Variants in ACBD6 observed in about 807,000 individuals in gnomAD.
ACBD6 encodes the protein acyl-CoA-binding domain-containing protein 6.
In ACBD6, 28 loss-of-function variants were observed where a neutral mutation model predicts 37.2. That is an observed-to-expected ratio of 0.75 (90% confidence interval 0.56 to 1.03). The LOEUF is 1.03. ACBD6 is among the 50% of genes least tolerant of loss of function. The probability of loss-of-function intolerance (pLI) is 0.00; values close to 1 mark genes in which losing one functional copy is unlikely to be tolerated. For missense variants in ACBD6, 340 were observed against 337.4 expected (o/e 1.01, Z -0.06); for synonymous variants, 113 against 126.8 (o/e 0.89, Z 0.73).
intron 4 of ACBD6, among the ~76,000 whole-genome samples, chr1:180,419,020 G>A (rs1648233163): frequency 6.6e-6 from 1 of 152,248 alleles, no homozygotes; most frequent in South Asian, 2.1e-4. Context: ...GGGAGGCCGA[G>A]GCGGGTGGAT....
chr1:180,385,179 A>G (rs373192027), intron 6 of ACBD6, among the ~76,000 whole-genome samples: 2 of 151,858 alleles, frequency 1.3e-5, no homozygotes, highest in East Asian at 1.9e-4. Flanking sequence ...GGTTATGGAT[A>G]CCCCAAATAC....
At chr1:180,393,523 A>T (rs554856063) in intron 6 of ACBD6, among the ~76,000 whole-genome samples, 1 of 152,350 alleles carries the variant, frequency 6.6e-6, no homozygotes, top group Admixed American at 6.5e-5. Context: ...CTTTTTGGCA[A>T]CCAATAGGCC....
intron 7 of ACBD6, among the ~76,000 whole-genome samples, chr1:180,311,111 T>A (rs1319629515): frequency 1.3e-5 from 2 of 152,150 alleles, no homozygotes; most frequent in African/African-American, 4.8e-5. Context: ...ATAATAAACA[T>A]AATACCTCCT....
At chr1:180,385,620 C>A (rs941969308) in intron 6 of ACBD6, among the ~76,000 whole-genome samples, 1 of 151,618 alleles carries the variant, frequency 6.6e-6, no homozygotes, top group South Asian at 2.1e-4. Flanking sequence ...GGTTCCCTTA[C>A]AAGAAGAGAG....
intron 7 of ACBD6, among the ~76,000 whole-genome samples, chr1:180,300,126 G>A (rs1300018745): frequency 6.6e-6 from 1 of 152,158 alleles, no homozygotes; most frequent in Non-Finnish European, 1.5e-5. Context: ...CACAAGGACA[G>A]CTGTCAAGCC....
At chr1:180,437,572 T>G (rs1322443610) in intron 3 of ACBD6, among the ~76,000 whole-genome samples, 1 of 152,082 alleles carries the variant, frequency 6.6e-6, no homozygotes, top group Non-Finnish European at 1.5e-5. Flanking sequence ...AGAGGTAAAG[T>G]TATCTGTTCA....
chr1:180,361,497 A>C lies in ACBD6; in HGVS notation c.663+36019T>G, dbSNP rs969579159. ...ACACTTTTTTAAAAGAAAATGTTTT[A>C]AAATGTATTAAAAGTAATGATTAGT... On this transcript the variant is annotated intron_variant, in intron 6 of 7. Coordinates refer to ENST00000367595, the MANE Select transcript of ACBD6 (RefSeq NM_032360.4). Among the ~76,000 whole-genome samples the C allele has an allele frequency of 9.8e-5, 15 of 152,316 alleles. No homozygotes were observed. In the East Asian group the frequency reaches 2.3e-3, roughly 23 times the overall value.
At chr1:180,298,186 T>C (rs541139494) in intron 7 of ACBD6, among the ~76,000 whole-genome samples, 21 of 152,320 alleles carry the variant, frequency 1.4e-4, no homozygotes, top group African/African-American at 4.8e-4. Context: ...TTATATCAAG[T>C]AGCTGTGAAA....
At chr1:180,365,896 CTGAGTA>C (rs1410121507) in intron 6 of ACBD6, among the ~76,000 whole-genome samples, 8 of 152,206 alleles carry the variant, frequency 5.3e-5, no homozygotes, top group Non-Finnish European at 7.4e-5. Context: ...ATTAATCACT[CTGAGTA>C]TATCAGTTTG....
At chr1:180,474,850 A>T (rs535433517) in intron 3 of ACBD6, among the ~76,000 whole-genome samples, 4 of 152,242 alleles carry the variant, frequency 2.6e-5, no homozygotes, top group Non-Finnish European at 5.9e-5. Flanking sequence ...GACTTTCAGG[A>T]TCTACATTTA....
At chr1:180,287,070 G>A (rs1288472056), downstream of ACBD6, 1 of 152,076 alleles carries the variant, frequency 6.6e-6, no homozygotes, top group Non-Finnish European at 1.5e-5. Flanking sequence ...CCCAGATGGA[G>A]CTTTTGGGGC....
chr1:180,465,937 T>C (rs976615760), intron 3 of ACBD6, among the ~76,000 whole-genome samples: 1 of 152,046 alleles, frequency 6.6e-6, no homozygotes, highest in East Asian at 1.9e-4. Flanking sequence ...TGTTCTCACT[T>C]ATAAGTGGGA....
intron 6 of ACBD6, among the ~76,000 whole-genome samples, chr1:180,318,746 A>T (rs1410936003): frequency 6.6e-6 from 1 of 152,198 alleles, no homozygotes; most frequent in Non-Finnish European, 1.5e-5. Context: ...AGAATTTTTC[A>T]GTCTACTCTG....
At chr1:180,475,889 T>C (rs1026315942) in intron 3 of ACBD6, among the ~76,000 whole-genome samples, 2 of 152,174 alleles carry the variant, frequency 1.3e-5, no homozygotes, top group African/African-American at 4.8e-5. Context: ...AAAGAGTTGG[T>C]GGGGCACTTT....
intron 6 of ACBD6, among the ~76,000 whole-genome samples, chr1:180,316,034 T>G (rs1364075177): frequency 6.6e-6 from 1 of 151,974 alleles, no homozygotes; most frequent in Non-Finnish European, 1.5e-5. Flanking sequence ...TTTTGCCTAC[T>G]TTTTTTTCTT....
intron 3 of ACBD6, among the ~76,000 whole-genome samples, chr1:180,431,764 T>C (rs1365234429): frequency 1.6e-4 from 24 of 151,616 alleles, no homozygotes; most frequent in Non-Finnish European, 3.4e-4. Flanking sequence ...GAAAACTGGA[T>C]ACGAAAGGAA....
At chr1:180,455,888 A>C (rs1209301999) in intron 3 of ACBD6, among the ~76,000 whole-genome samples, 1 of 152,224 alleles carries the variant, frequency 6.6e-6, no homozygotes, top group African/African-American at 2.4e-5. Flanking sequence ...ATATAATTAC[A>C]ATCAATGAAC....
At position 180,502,173 on chromosome 1, in the gene ACBD6, G is replaced by A. The variant is rs752757163; in HGVS notation, c.94C>T (p.His32Tyr). 15 of 1,614,110 alleles carry A rather than the reference G, an allele frequency of 9.3e-6. No homozygotes were observed. Among genetic ancestry groups the A allele is most frequent in the Non-Finnish European group, 1.2e-5 (14 of 1,180,034 alleles). The change falls in exon 1 of 8, where the codon CAT (histidine) becomes TAT (tyrosine). Residue 32 changes from histidine (H) to tyrosine (Y), a missense_variant. Physicochemically the swap from His to Tyr is moderately conservative, Grantham distance 83 (BLOSUM62 2). Coordinates refer to ENST00000367595, the MANE Select transcript of ACBD6 (RefSeq NM_032360.4). ...CTGGTCTCCTCGATCTCAGGGCTAT[G>A]GGGGAACTCCACCTCCCCGGAGTCG... The part of the protein sequence containing the change: ...GDDSGEVEFP[H>Y]SPEIEETSCL...
chr1:180,481,313 C>T (rs574541023), intron 3 of ACBD6, among the ~76,000 whole-genome samples: 11 of 151,690 alleles, frequency 7.3e-5, no homozygotes, highest in African/African-American at 2.7e-4. Context: ...AAGATCAGGG[C>T]TAAAAAATAA....
Sources: gnomAD v4.1 joint callset for allele counts (sites outside exome capture counted in the v4.1 genomes callset) on GRCh38, gnomAD v4.1.1 for gene constraint, MANE v1.5 for transcripts, NCBI Gene and HGNC (gene_info 2026-07-23, HGNC 2026-07-21) for gene names.